DLG2: variants seen among roughly 807,000 people sequenced by gnomAD.
DLG2 encodes the protein disks large homolog 2.
Under a neutral mutation model 132.5 loss-of-function variants are expected in DLG2, and 45 were observed. The ratio of observed to expected loss-of-function variants is 0.34; its 90% confidence interval spans 0.27 to 0.44. The LOEUF (loss-of-function observed/expected upper bound fraction) is 0.44, where lower values mean the gene tolerates loss of function less well. Ranked by LOEUF, DLG2 falls within the 20% of genes least tolerant of loss-of-function variation. The pLI is 1.00. For missense variants in DLG2, 1,045 were observed against 1,196.9 expected (o/e 0.87, Z 1.87); for synonymous variants, 424 against 419.6 (o/e 1.01, Z -0.13).
At chr11:83,536,189 T>C (rs1221694827) in intron 20 of DLG2, among the ~76,000 whole-genome samples, 1 of 152,190 alleles carries the variant, frequency 6.6e-6, no homozygotes, top group Non-Finnish European at 1.5e-5. Flanking sequence ...ATGAATATTA[T>C]TAATTATTAA....
intron 7 of DLG2, among the ~76,000 whole-genome samples, chr11:84,399,428 A>T (rs564386579): frequency 6.6e-6 from 1 of 152,194 alleles, no homozygotes; most frequent in Admixed American, 6.5e-5. Context: ...ATATTTATTT[A>T]TTCATTTATT....
chr11:84,214,737 T>C (rs1248623859), intron 8 of DLG2, among the ~76,000 whole-genome samples: 4 of 152,166 alleles, frequency 2.6e-5, no homozygotes, highest in Admixed American at 2.6e-4. Flanking sequence ...CACACCCTCT[T>C]GTTAAGCAGA....
intron 10 of DLG2, among the ~76,000 whole-genome samples, chr11:84,080,992 CAAAAA>C (rs10707492): frequency 7.3e-6 from 1 of 137,128 alleles, no homozygotes. Context: ...AACTCTGTCT[CAAAAA>C]AAAAAAAAAA....
chr11:85,216,853 G>T (rs567601965), intron 4 of DLG2, among the ~76,000 whole-genome samples: 7 of 151,884 alleles, frequency 4.6e-5, no homozygotes. Flanking sequence ...CTGCCACCAC[G>T]CCCAGCTAAT....
At chr11:84,934,119 AT>A (rs2154092795) in intron 6 of DLG2, among the ~76,000 whole-genome samples, 1 of 152,218 alleles carries the variant, frequency 6.6e-6, no homozygotes, top group South Asian at 2.1e-4. Flanking sequence ...TTCTGCACCT[AT>A]TTAGATAATC....
intron 6 of DLG2, among the ~76,000 whole-genome samples, chr11:84,613,048 C>A (rs535084037): frequency 2.1e-3 from 320 of 152,230 alleles, no homozygotes; most frequent in African/African-American, 7.4e-3. Flanking sequence ...TTCTGTTGAA[C>A]AACTCTGTCC....
intron 6 of DLG2, among the ~76,000 whole-genome samples, chr11:84,613,720 T>C (rs1310645207): frequency 6.6e-6 from 1 of 152,188 alleles, no homozygotes; most frequent in African/African-American, 2.4e-5. Flanking sequence ...AAGTTTTTTA[T>C]CCTTCTTTAG....
chr11:83,845,090 C>A (rs1361671840), intron 16 of DLG2, among the ~76,000 whole-genome samples: 1 of 151,714 alleles, frequency 6.6e-6, no homozygotes, highest in African/African-American at 2.4e-5. Flanking sequence ...ATGGAAGGCC[C>A]AGATCTAGTA....
At chr11:85,551,285 C>G (rs1428539841) in intron 3 of DLG2, among the ~76,000 whole-genome samples, 1 of 151,924 alleles carries the variant, frequency 6.6e-6, no homozygotes, top group African/African-American at 2.4e-5. Context: ...TATGTTCCCC[C>G]AAAAGATGAC....
intron 6 of DLG2, among the ~76,000 whole-genome samples, chr11:84,583,315 T>C (rs1282233777): frequency 6.6e-6 from 1 of 152,202 alleles, no homozygotes; most frequent in East Asian, 1.9e-4. Flanking sequence ...GCATCTGCTG[T>C]CACAGATGCA....
At chr11:84,801,556 G>A (rs375804203) in intron 6 of DLG2, among the ~76,000 whole-genome samples, 26 of 152,268 alleles carry the variant, frequency 1.7e-4, no homozygotes, top group Admixed American at 3.9e-4. Flanking sequence ...GTGAGACTCC[G>A]TCTAAAAAAT....
chr11:83,797,058 T>C (rs183317986), intron 17 of DLG2, among the ~76,000 whole-genome samples: 4 of 151,520 alleles, frequency 2.6e-5, no homozygotes, highest in Non-Finnish European at 5.9e-5. Flanking sequence ...GAGGGGGAGA[T>C]TGGGGTGAGG....
At chr11:85,155,206 CCATTGAATATGACT>C (rs2077512301) in intron 4 of DLG2, among the ~76,000 whole-genome samples, 1 of 152,134 alleles carries the variant, frequency 6.6e-6, no homozygotes, top group East Asian at 1.9e-4. Context: ...ACAATATGAC[CCATTGAATATGACT>C]GTATCATGTG....
chr11:84,341,604 A>G (rs1046284218), intron 7 of DLG2, among the ~76,000 whole-genome samples: 7 of 152,198 alleles, frequency 4.6e-5, no homozygotes, highest in Non-Finnish European at 7.4e-5. Flanking sequence ...ATATGCAACA[A>G]GGGTTGAGAA....
At chr11:84,133,197 AAGAATCAG>A (rs1341476346) in intron 9 of DLG2, among the ~76,000 whole-genome samples, 1 of 152,092 alleles carries the variant, frequency 6.6e-6, no homozygotes, top group Non-Finnish European at 1.5e-5. Context: ...ATGAGGCCAC[AAGAATCAG>A]AATATATTTA....
At chr11:85,232,460 A>C (rs1247517082) in intron 4 of DLG2, among the ~76,000 whole-genome samples, 1 of 151,952 alleles carries the variant, frequency 6.6e-6, no homozygotes, top group Non-Finnish European at 1.5e-5. Flanking sequence ...TAAAAGTCTA[A>C]TTTAATTTTT....
intron 7 of DLG2, among the ~76,000 whole-genome samples, chr11:84,345,312 A>T (rs530391323): frequency 1.8e-4 from 27 of 152,232 alleles, no homozygotes; most frequent in Non-Finnish European, 3.4e-4. Context: ...ATGTGAAAGT[A>T]ACATTTTGGA....
At chr11:84,712,161 CA>C (rs2060523392) in intron 6 of DLG2, among the ~76,000 whole-genome samples, 1 of 152,066 alleles carries the variant, frequency 6.6e-6, no homozygotes, top group South Asian at 2.1e-4. Context: ...GAGTACAAGG[CA>C]AAAGGCTTCT....
At chr11:84,108,562 G>A (rs544787395) in intron 9 of DLG2, among the ~76,000 whole-genome samples, 1 of 152,146 alleles carries the variant, frequency 6.6e-6, no homozygotes, top group African/African-American at 2.4e-5. Context: ...AAAAGAGAGA[G>A]CTTGACTTGT....
Sources: gnomAD v4.1 joint callset for allele counts (sites outside exome capture counted in the v4.1 genomes callset) on GRCh38, gnomAD v4.1.1 for gene constraint, MANE v1.5 for transcripts, NCBI Gene and HGNC (gene_info 2026-07-23, HGNC 2026-07-21) for gene names.